THRB: variants seen among roughly 807,000 people sequenced by gnomAD.
THRB encodes the protein thyroid hormone receptor beta, also known as nuclear receptor subfamily 1 group A member 2.
A neutral mutation model predicts 47.8 loss-of-function variants in THRB; 12 were observed. The observed-to-expected ratio is 0.25, with a 90% CI of 0.16 to 0.41. The LOEUF is 0.41. Ranked by LOEUF, THRB falls within the 10% of genes least tolerant of loss-of-function variation. The pLI, the probability that THRB is intolerant of heterozygous loss-of-function variation, is 1.00. For synonymous variants in THRB, 218 were observed against 212.2 expected, an observed-to-expected ratio of 1.03 and a Z score of -0.24; for missense variants, 348 against 589.2, an observed-to-expected ratio of 0.59 and a Z score of 4.24.
At chr3:24,261,840 T>C (rs2052075091) in intron 3 of THRB, among the ~76,000 whole-genome samples, 1 of 152,210 alleles carries the variant, frequency 6.6e-6, no homozygotes, top group South Asian at 2.1e-4. Context: ...ATGAGACACT[T>C]TGCTGATTTT....
chr3:24,203,651 C>T (rs1040224086), intron 4 of THRB, among the ~76,000 whole-genome samples: 1 of 152,152 alleles, frequency 6.6e-6, no homozygotes, highest in East Asian at 1.9e-4. Flanking sequence ...GCTTTTCGGA[C>T]AGTGGGTGCA....
chr3:24,227,790 GTCAGGCTGCA>G (rs2047818695), intron 4 of THRB, among the ~76,000 whole-genome samples: 1 of 152,070 alleles, frequency 6.6e-6, no homozygotes, highest in Non-Finnish European at 1.5e-5. Context: ...ATAATCAAAG[GTCAGGCTGCA>G]TCCTCGACAC....
intron 4 of THRB, among the ~76,000 whole-genome samples, chr3:24,213,791 G>T (rs1233083262): frequency 6.6e-6 from 1 of 152,196 alleles, no homozygotes; most frequent in Non-Finnish European, 1.5e-5. Context: ...CTGTGGAATG[G>T]GTTGTTCAGG....
chr3:24,162,808 G>GT (rs2039075804), intron 5 of THRB, among the ~76,000 whole-genome samples: 1 of 151,478 alleles, frequency 6.6e-6, no homozygotes, highest in Admixed American at 6.6e-5. Context: ...TATTTCACCA[G>GT]TTTGTACCTA....
At chr3:24,308,168 A>G (rs1236601693) in intron 2 of THRB, among the ~76,000 whole-genome samples, 3 of 152,186 alleles carry the variant, frequency 2.0e-5, no homozygotes, top group Non-Finnish European at 4.4e-5. Flanking sequence ...CTTAAAATAA[A>G]AGTTGGAGGA....
intron 2 of THRB, among the ~76,000 whole-genome samples, chr3:24,330,403 A>G (rs1236363043): frequency 1.3e-5 from 2 of 152,248 alleles, no homozygotes; most frequent in Non-Finnish European, 2.9e-5. Context: ...AGTTTAAGTT[A>G]TAAGGCAGTT....
At chr3:24,311,148 T>C (rs949890904) in intron 2 of THRB, among the ~76,000 whole-genome samples, 2 of 152,116 alleles carry the variant, frequency 1.3e-5, no homozygotes, top group African/African-American at 4.8e-5. Context: ...TGAAGAGGGA[T>C]GGGAAGCCAG....
intron 5 of THRB, among the ~76,000 whole-genome samples, chr3:24,183,357 TTTTTTCTTTTC>T (rs1306996560): frequency 4.8e-5 from 4 of 82,988 alleles, no homozygotes; most frequent in Non-Finnish European, 1.1e-4. Context: ...CTTCTTTTTC[TTTTTTCTTTTC>T]TTTTTTTTTT....
intron 3 of THRB, among the ~76,000 whole-genome samples, chr3:24,282,761 C>T (rs954342682): frequency 1.6e-4 from 24 of 149,594 alleles, no homozygotes; most frequent in African/African-American, 4.8e-4. Flanking sequence ...ATATCACCAC[C>T]GATCCCACAG....
intron 4 of THRB, among the ~76,000 whole-genome samples, chr3:24,211,789 G>A (rs75322324): frequency 3.3e-5 from 5 of 151,956 alleles, no homozygotes; most frequent in Non-Finnish European, 5.9e-5. Context: ...TTGTTTTTCC[G>A]ACCCTCATCT....
intron 3 of THRB, among the ~76,000 whole-genome samples, chr3:24,287,575 C>CT (rs2055446428): frequency 6.6e-6 from 1 of 152,186 alleles, no homozygotes; most frequent in Non-Finnish European, 1.5e-5. Flanking sequence ...TCTTCCAGCT[C>CT]TTCCTGGTCA....
chr3:24,328,941 G>A (rs935994117), intron 2 of THRB, among the ~76,000 whole-genome samples: 2 of 151,950 alleles, frequency 1.3e-5, no homozygotes, highest in African/African-American at 4.8e-5. Context: ...CAGCATGAAT[G>A]TTTCTTCTTT....
chr3:24,458,883 GA>G (rs2125625150), intron 1 of THRB: 1 of 151,580 alleles, frequency 6.6e-6, no homozygotes, highest in African/African-American at 2.4e-5. Context: ...TATTCTAAAA[GA>G]AAAAAATTCA....
At chr3:24,197,993 G>A (rs180969056) in intron 4 of THRB, among the ~76,000 whole-genome samples, 4 of 152,286 alleles carry the variant, frequency 2.6e-5, no homozygotes, top group East Asian at 1.9e-4. Flanking sequence ...TGACTTAATC[G>A]GTTAGTCCAC....
chr3:24,482,081 A>T (rs1696520299), intron 1 of THRB, among the ~76,000 whole-genome samples: 1 of 152,222 alleles, frequency 6.6e-6, no homozygotes, highest in East Asian at 1.9e-4. Context: ...ATGCAAAATG[A>T]TCGAGTAAAT....
At chr3:24,211,541 A>G (rs1017851946) in intron 4 of THRB, among the ~76,000 whole-genome samples, 5 of 152,198 alleles carry the variant, frequency 3.3e-5, no homozygotes, top group African/African-American at 4.8e-5. Flanking sequence ...CCGTGGACCT[A>G]TATTTGGATG....
At chr3:24,147,570 T>C (rs1226661121) in intron 6 of THRB, among the ~76,000 whole-genome samples, 2 of 152,228 alleles carry the variant, frequency 1.3e-5, no homozygotes, top group African/African-American at 4.8e-5. Context: ...AGCACCTCTG[T>C]AGCATCTGGG....
At chr3:24,465,029 A>G (rs2074020688) in intron 1 of THRB, among the ~76,000 whole-genome samples, 1 of 151,418 alleles carries the variant, frequency 6.6e-6, no homozygotes, top group African/African-American at 2.4e-5. Context: ...TTCTTCACTC[A>G]CTATTTTTTT....
At chr3:24,220,872 G>A (rs2150000499) in intron 4 of THRB, among the ~76,000 whole-genome samples, 1 of 152,168 alleles carries the variant, frequency 6.6e-6, no homozygotes, top group South Asian at 2.1e-4. Flanking sequence ...CAGTCTTTGG[G>A]AACTGATGGT....
Sources: gnomAD v4.1 joint callset for allele counts (sites outside exome capture counted in the v4.1 genomes callset) on GRCh38, gnomAD v4.1.1 for gene constraint, MANE v1.5 for transcripts, NCBI Gene and HGNC (gene_info 2026-07-23, HGNC 2026-07-21) for gene names.